GABRA2: variants seen among roughly 807,000 people sequenced by gnomAD.
GABRA2 encodes gamma-aminobutyric acid receptor subunit alpha-2.
GABRA2 carries 16 observed loss-of-function variants against 48.7 expected under a neutral mutation model. That is an observed-to-expected ratio of 0.33 (90% confidence interval 0.22 to 0.50). GABRA2 has a LOEUF of 0.50. GABRA2 is among the 20% of genes least tolerant of loss of function. GABRA2 has a pLI of 0.98. For synonymous variants in GABRA2, 185 were observed against 184.5 expected (o/e 1.00, Z -0.02); for missense variants, 275 against 535.6 (o/e 0.51, Z 4.80).
chr4:46,311,793 A>T (rs1727684262), intron 5 of GABRA2, among the ~76,000 whole-genome samples: 1 of 152,182 alleles, frequency 6.6e-6, no homozygotes. Flanking sequence ...GTAACTTCAT[A>T]GGGAAAATTA....
chr4:46,313,149 A>AAATT, intron 4 of GABRA2, among the ~76,000 whole-genome samples: 1 of 147,614 alleles, frequency 6.8e-6, no homozygotes, highest in East Asian at 1.9e-4. Context: ...ATAAATAAAT[A>AAATT]AATAAATAAA....
intron 6 of GABRA2, among the ~76,000 whole-genome samples, chr4:46,307,919 A>G (rs1440931642): frequency 6.6e-6 from 1 of 152,204 alleles, no homozygotes; most frequent in Non-Finnish European, 1.5e-5. Context: ...TAACACACAT[A>G]TAAGCCGAGA....
Position 46,246,002 on chromosome 4 carries a change from T to C in GABRA2, c.*4306A>G, listed in dbSNP as rs1713649721. Among the ~76,000 whole-genome samples the C allele has an allele frequency of 6.6e-6, 1 of 151,068 alleles. No homozygotes were observed. The highest frequency in any genetic ancestry group is 2.4e-5 in the African/African-American group (1 of 41,320). ...TAAGAATTTTAGCAAAAAAACAAAATTATGATATATAATATTTATAAGTAG... is the reference window on the plus strand; with the variant it reads ...TAAGAATTTTAGCAAAAAAACAAAACTATGATATATAATATTTATAAGTAG... On this transcript the variant is annotated 3_prime_UTR_variant, in exon 10 of 10. Transcript: ENST00000381620.
chr4:46,294,051 CCA>C (rs1262185439), intron 8 of GABRA2, among the ~76,000 whole-genome samples: 1 of 152,182 alleles, frequency 6.6e-6, no homozygotes, highest in Non-Finnish European at 1.5e-5. Context: ...TCCATAAGGC[CCA>C]CCAGAAGCAA....
chr4:46,272,141 A>G (rs1178401677), intron 8 of GABRA2, among the ~76,000 whole-genome samples: 1 of 151,908 alleles, frequency 6.6e-6, no homozygotes, highest in Non-Finnish European at 1.5e-5. Context: ...AAGTTTTGCA[A>G]TCTGTAGAAT....
chr4:46,282,345 A>T (rs188534437), intron 8 of GABRA2, among the ~76,000 whole-genome samples: 16 of 152,338 alleles, frequency 1.1e-4, no homozygotes, highest in African/African-American at 3.8e-4. Context: ...CTAACCAACA[A>T]GACCCAAGAA....
At chr4:46,358,961 C>T (rs1417915577) in intron 3 of GABRA2, among the ~76,000 whole-genome samples, 1 of 152,132 alleles carries the variant, frequency 6.6e-6, no homozygotes, top group African/African-American at 2.4e-5. Context: ...CTTTCAAATA[C>T]AGCTCATATC....
rs3068328 is a variant in GABRA2, at chr4:46,284,077, G to GA, written c.856+19382dup. ...TCCGGCCTGATTTGAGTTCTTAATA[G>GA]AAAAAAAAAAAAAAAAAACTCTGTT... is the stretch of plus-strand genomic sequence containing the variant. On this transcript the variant is annotated intron_variant, in intron 8 of 9. Transcript: ENST00000381620. Among the ~76,000 whole-genome samples the GA allele has an allele frequency of 4.3e-3, 536 of 123,366 alleles. 3 individuals are homozygous for GA. The highest frequency in any genetic ancestry group is 6.8e-3 in the East Asian group (26 of 3,836). The allele number at this position is 123,366 out of a possible 152,430, so 80.9% of individuals were successfully genotyped here. A position where few individuals can be genotyped will look rare whatever the true frequency, so the allele number is the denominator to read the frequency against.
chr4:46,355,754 T>A (rs1296898573), intron 3 of GABRA2, among the ~76,000 whole-genome samples: 9 of 152,192 alleles, frequency 5.9e-5, no homozygotes, highest in Non-Finnish European at 1.2e-4. Context: ...TAATCCACTG[T>A]ATGTTTTCCA....
chr4:46,275,210 T>G (rs1577864786), intron 8 of GABRA2, among the ~76,000 whole-genome samples: 1 of 152,098 alleles, frequency 6.6e-6, no homozygotes, highest in East Asian at 1.9e-4. Context: ...TTCCTCGATT[T>G]TTAAAAGGAT....
chr4:46,318,066 G>A (rs923014001), intron 4 of GABRA2, among the ~76,000 whole-genome samples: 3 of 151,386 alleles, frequency 2.0e-5, no homozygotes, highest in African/African-American at 7.3e-5. Flanking sequence ...TATAATAGTT[G>A]TAAAGGCAAG....
chr4:46,294,570 GT>G (rs1188360232), intron 8 of GABRA2, among the ~76,000 whole-genome samples: 2 of 152,200 alleles, frequency 1.3e-5, no homozygotes, highest in Admixed American at 6.5e-5. Context: ...CCAGGCTGCT[GT>G]GTAAGCTGCT....
At position 46,291,660 on chromosome 4, in the gene GABRA2, C is replaced by A. The variant is rs1723650941; in HGVS notation, c.856+11800G>T. Among the ~76,000 whole-genome samples, 4 of 152,068 alleles carry A rather than the reference C, an allele frequency of 2.6e-5. No individual in the cohort carries two copies. In the South Asian group the frequency reaches 8.3e-4, roughly 32 times the overall value. On this transcript the variant is annotated intron_variant, in intron 8 of 9. Coordinates refer to ENST00000381620, the MANE Select transcript of GABRA2 (RefSeq NM_000807.4). ...CTGTCTGCCCTCAAATTTCGCACCC[C>A]AAGTTCTTCAGCTTTGGGTCTCAGA...
chr4:46,254,936 A>G (rs1282503747), intron 9 of GABRA2, among the ~76,000 whole-genome samples: 7 of 151,472 alleles, frequency 4.6e-5, no homozygotes, highest in Non-Finnish European at 3.0e-5. Context: ...AATTAACTCC[A>G]CATTGTCCCC....
chr4:46,337,344 A>T (rs1732431069), intron 3 of GABRA2, among the ~76,000 whole-genome samples: 1 of 152,066 alleles, frequency 6.6e-6, no homozygotes, highest in Admixed American at 6.6e-5. Flanking sequence ...TTTGTGCAAA[A>T]GTCAAGTCCC....
intron 3 of GABRA2, among the ~76,000 whole-genome samples, chr4:46,335,098 T>A (rs913943267): frequency 6.6e-6 from 1 of 152,094 alleles, no homozygotes; most frequent in African/African-American, 2.4e-5. Context: ...CAAAACTCAA[T>A]CTTTGGTTAT....
chr4:46,260,093 G>A lies in GABRA2; in HGVS notation c.1059+1833C>T, dbSNP rs143833652. On this transcript the variant is annotated intron_variant, in intron 9 of 9. Coordinates refer to ENST00000381620, the MANE Select transcript of GABRA2 (RefSeq NM_000807.4). ...GTCCTCCCACTGGTATTATATTGTC[G>A]GATTTAAGATCACAAACTCATTCAT... is the stretch of plus-strand genomic sequence containing the variant. Among the ~76,000 whole-genome samples, 1,049 of 151,470 alleles carry A rather than the reference G, an allele frequency of 6.9e-3. 7 individuals are homozygous for A. The highest frequency in any genetic ancestry group is 0.014 in the Middle Eastern group (4 of 294).
chr4:46,363,422 C>T (rs369947886), intron 3 of GABRA2, among the ~76,000 whole-genome samples: 6 of 151,884 alleles, frequency 4.0e-5, no homozygotes, highest in Non-Finnish European at 7.4e-5. Flanking sequence ...AGAATAAAAA[C>T]GAGAGCAAGA....
intron 8 of GABRA2, among the ~76,000 whole-genome samples, chr4:46,268,514 T>C (rs902940990): frequency 6.6e-6 from 1 of 151,974 alleles, no homozygotes; most frequent in Non-Finnish European, 1.5e-5. Context: ...TATTTTAGAA[T>C]GGCTGTTATC....
Sources: gnomAD v4.1 joint callset for allele counts (sites outside exome capture counted in the v4.1 genomes callset) on GRCh38, gnomAD v4.1.1 for gene constraint, MANE v1.5 for transcripts, NCBI Gene and HGNC (gene_info 2026-07-23, HGNC 2026-07-21) for gene names.